The following TASP1 variants were observed in gnomAD, a reference collection of about 807,000 sequenced individuals.
TASP1 encodes taspase 1.
A neutral mutation model predicts 56.6 loss-of-function variants in TASP1; 16 were observed. That is an observed-to-expected ratio of 0.28 (90% confidence interval 0.19 to 0.43). The LOEUF (loss-of-function observed/expected upper bound fraction) is 0.43, where lower values mean the gene tolerates loss of function less well. TASP1 is among the 20% of genes least tolerant of loss of function. The pLI is 1.00. For missense variants in TASP1, 393 were observed against 511.6 expected (o/e 0.77, Z 2.24); for synonymous variants, 179 against 184.2 (o/e 0.97, Z 0.23).
chr20:13,335,897 G>C, the TASP1 span, among the ~76,000 whole-genome samples: 1 of 151,986 alleles, frequency 6.6e-6, no homozygotes, highest in Admixed American at 6.6e-5. Context: ...ACAGAGAGAG[G>C]AGAGAAAATT....
chr20:13,270,457 T>A, the TASP1 span: 8 of 1,563,028 alleles, frequency 5.1e-6, no homozygotes, highest in Non-Finnish European at 6.1e-6. Context: ...TGACATTTTT[T>A]AATCATGTGT....
At chr20:13,432,851 G>C (rs929876834) in intron 12 of TASP1, among the ~76,000 whole-genome samples, 1 of 152,130 alleles carries the variant, frequency 6.6e-6, no homozygotes, top group African/African-American at 2.4e-5. Context: ...ACACAAATGG[G>C]TAAGAGTCCA....
intron 10 of TASP1, among the ~76,000 whole-genome samples, chr20:13,507,636 T>A (rs2044179231): frequency 6.6e-6 from 1 of 152,176 alleles, no homozygotes; most frequent in South Asian, 2.1e-4. Context: ...AAGAATACTG[T>A]CAAAACATCC....
chr20:13,181,682 A>G, the TASP1 span, among the ~76,000 whole-genome samples: 1 of 152,190 alleles, frequency 6.6e-6, no homozygotes, highest in Non-Finnish European at 1.5e-5. Context: ...ATGTGGTGGT[A>G]AAATGCAAGA....
At chr20:13,139,928 C>G in the TASP1 span, among the ~76,000 whole-genome samples, 1 of 152,168 alleles carries the variant, frequency 6.6e-6, no homozygotes, top group African/African-American at 2.4e-5. Flanking sequence ...ACTAGTCTGG[C>G]TTTTACCACA....
chr20:13,341,511 G>A, the TASP1 span, among the ~76,000 whole-genome samples: 7 of 151,886 alleles, frequency 4.6e-5, no homozygotes, highest in African/African-American at 1.7e-4. Context: ...AGGAAGTTTT[G>A]GGGACTAAAT....
At chr20:13,617,603 T>G (rs1041348535) in intron 4 of TASP1, among the ~76,000 whole-genome samples, 41 of 152,240 alleles carry the variant, frequency 2.7e-4, no homozygotes, top group African/African-American at 9.1e-4. Flanking sequence ...CCACTCTGCT[T>G]ATGAAAATAT....
At chr20:13,512,809 C>T (rs6042186) in intron 10 of TASP1, among the ~76,000 whole-genome samples, 37,069 of 151,984 alleles carry the variant, frequency 0.24, 4,633 homozygotes, top group Middle Eastern at 0.3. Flanking sequence ...CAGTTTCAGC[C>T]TTCTACATAC....
At chr20:13,194,957 G>A in the TASP1 span, among the ~76,000 whole-genome samples, 1 of 152,016 alleles carries the variant, frequency 6.6e-6, no homozygotes, top group East Asian at 1.9e-4. Flanking sequence ...GAGAGGGGGT[G>A]CGCCTGGGGT....
the TASP1 span, among the ~76,000 whole-genome samples, chr20:13,321,253 TAAAAAAAAAA>T: frequency 1.9e-4 from 11 of 57,522 alleles, no homozygotes; most frequent in African/African-American, 5.3e-4. Flanking sequence ...GTGCCCCACA[TAAAAAAAAAA>T]AAAAAAAAAA....
At chr20:13,543,102 A>G (rs1207096845) in intron 8 of TASP1, among the ~76,000 whole-genome samples, 2 of 152,160 alleles carry the variant, frequency 1.3e-5, no homozygotes, top group Non-Finnish European at 2.9e-5. Context: ...CCTAAATCTC[A>G]GCAAAAGCCC....
At chr20:13,292,447 CA>C in the TASP1 span, 2 of 1,600,396 alleles carry the variant, frequency 1.2e-6, no homozygotes, top group Non-Finnish European at 8.5e-7. Context: ...TTAATGCCAC[CA>C]AACTGTTTGA....
At chr20:13,328,230 A>G in the TASP1 span, among the ~76,000 whole-genome samples, 3 of 152,242 alleles carry the variant, frequency 2.0e-5, no homozygotes, top group Non-Finnish European at 4.4e-5. Flanking sequence ...TGATCATTAG[A>G]GAACTGCAAA....
At chr20:13,624,307 T>C (rs557671840) in intron 3 of TASP1, among the ~76,000 whole-genome samples, 10 of 152,208 alleles carry the variant, frequency 6.6e-5, no homozygotes, top group African/African-American at 2.4e-4. Flanking sequence ...AAAATTTATT[T>C]TCAGATGACA....
intron 11 of TASP1, among the ~76,000 whole-genome samples, chr20:13,459,159 C>T (rs920478025): frequency 6.6e-6 from 1 of 152,216 alleles, no homozygotes; most frequent in East Asian, 1.9e-4. Flanking sequence ...CCTTCCAACT[C>T]CATGACTTCT....
the TASP1 span, among the ~76,000 whole-genome samples, chr20:13,105,743 T>C: frequency 6.6e-6 from 1 of 152,222 alleles, no homozygotes; most frequent in African/African-American, 2.4e-5. Flanking sequence ...CACAAAAACT[T>C]ATAAATTCCA....
intron 8 of TASP1, among the ~76,000 whole-genome samples, chr20:13,535,847 C>T (rs952189703): frequency 6.6e-6 from 1 of 152,136 alleles, no homozygotes; most frequent in East Asian, 1.9e-4. Flanking sequence ...GATGCTGCCG[C>T]TATCTTAGGG....
intron 3 of TASP1, among the ~76,000 whole-genome samples, chr20:13,623,932 T>G (rs1473914425): frequency 6.6e-6 from 1 of 152,186 alleles, no homozygotes; most frequent in African/African-American, 2.4e-5. Context: ...TAAAAAGAAG[T>G]GACTCTCAGT....
At chr20:13,606,089 T>C (rs2048138860) in intron 4 of TASP1, among the ~76,000 whole-genome samples, 1 of 152,134 alleles carries the variant, frequency 6.6e-6, no homozygotes, top group Admixed American at 6.5e-5. Flanking sequence ...GAGAGATTTC[T>C]AGTGAAAGAA....
Sources: allele counts gnomAD v4.1 joint callset (sites outside exome capture counted in the v4.1 genomes callset), GRCh38; gene constraint gnomAD v4.1.1; transcripts MANE v1.5; gene names NCBI Gene and HGNC (gene_info 2026-07-23, HGNC 2026-07-21).